Variants in ROBO1 observed in about 807,000 individuals in gnomAD.
ROBO1 encodes the protein roundabout guidance receptor 1.
A neutral mutation model predicts 195.9 loss-of-function variants in ROBO1; 149 were observed. The observed-to-expected ratio is 0.76, with a 90% confidence interval of 0.67 to 0.87. The LOEUF is 0.87. Ranked by LOEUF, ROBO1 falls within the 40% of genes least tolerant of loss-of-function variation. The pLI is 0.00. For missense variants in ROBO1, 1,933 were observed against 2,068.3 expected, an observed-to-expected ratio of 0.93 and a Z score of 1.27; for synonymous variants, 816 against 733.2, an observed-to-expected ratio of 1.11 and a Z score of -1.82.
chr3:79,763,036 A>AG (rs1704796404), intron 1 of ROBO1, among the ~76,000 whole-genome samples: 1 of 152,198 alleles, frequency 6.6e-6, no homozygotes, highest in South Asian at 2.1e-4. Flanking sequence ...CAAGTGTGGC[A>AG]GGGAGGATGA....
intron 2 of ROBO1, among the ~76,000 whole-genome samples, chr3:79,299,941 T>C (rs1282621383): frequency 6.6e-6 from 1 of 152,002 alleles, no homozygotes; most frequent in African/African-American, 2.4e-5. Context: ...GGAAATAGAA[T>C]CAAAGTAATA....
chr3:79,576,906 G>A (rs1325757681), intron 2 of ROBO1, among the ~76,000 whole-genome samples: 1 of 152,144 alleles, frequency 6.6e-6, no homozygotes, highest in Non-Finnish European at 1.5e-5. Context: ...TCCAGAGAAC[G>A]TTAACAATTT....
intron 2 of ROBO1, among the ~76,000 whole-genome samples, chr3:79,427,303 T>G (rs2038486065): frequency 6.6e-6 from 1 of 152,322 alleles, no homozygotes; most frequent in South Asian, 2.1e-4. Flanking sequence ...GTTTATGTTC[T>G]GCTCAAGATG....
At chr3:78,629,062 C>A (rs1026432761) in intron 25 of ROBO1, among the ~76,000 whole-genome samples, 1 of 151,822 alleles carries the variant, frequency 6.6e-6, no homozygotes, top group East Asian at 1.9e-4. Context: ...CGAGTATCTG[C>A]ATAATCTGGC....
chr3:79,313,385 T>C (rs553024645), intron 2 of ROBO1, among the ~76,000 whole-genome samples: 1 of 152,242 alleles, frequency 6.6e-6, no homozygotes, highest in East Asian at 1.9e-4. Context: ...TATCTCTACT[T>C]TTAGTGTGAA....
At chr3:78,898,051 A>G (rs1448816481) in intron 4 of ROBO1, among the ~76,000 whole-genome samples, 3 of 151,176 alleles carry the variant, frequency 2.0e-5, no homozygotes, top group Non-Finnish European at 3.0e-5. Context: ...TACAAAATGA[A>G]ATTGCTTTCA....
intron 2 of ROBO1, among the ~76,000 whole-genome samples, chr3:79,316,502 A>G (rs865830146): frequency 2.8e-4 from 42 of 152,254 alleles, no homozygotes; most frequent in African/African-American, 9.6e-4. Context: ...GAGTCATTCA[A>G]TTATGGTGGA....
intron 4 of ROBO1, among the ~76,000 whole-genome samples, chr3:78,904,103 T>C (rs1050549769): frequency 2.0e-5 from 3 of 151,814 alleles, no homozygotes; most frequent in African/African-American, 7.3e-5. Flanking sequence ...ACTATGACTA[T>C]TATTAGTGTA....
chr3:79,092,292 A>C (rs1213224148), intron 3 of ROBO1, among the ~76,000 whole-genome samples: 1 of 152,130 alleles, frequency 6.6e-6, no homozygotes. Context: ...AGACGGAGGA[A>C]CACTCAGAAG....
At chr3:78,873,652 C>T (rs552664076) in intron 4 of ROBO1, among the ~76,000 whole-genome samples, 11 of 152,234 alleles carry the variant, frequency 7.2e-5, no homozygotes, top group Admixed American at 4.6e-4. Context: ...AGGAATACTT[C>T]TTCAACAACT....
intron 1 of ROBO1, among the ~76,000 whole-genome samples, chr3:79,690,562 A>T (rs1386556650): frequency 1.3e-5 from 2 of 152,126 alleles, no homozygotes; most frequent in Admixed American, 1.3e-4. Context: ...TAGATGTCCA[A>T]CCTACAGAAT....
intron 5 of ROBO1, among the ~76,000 whole-genome samples, chr3:78,734,612 GA>G (rs766825582): frequency 0.019 from 2,724 of 140,428 alleles, 22 homozygotes; most frequent in Middle Eastern, 0.048. Flanking sequence ...CCATTTGGGG[GA>G]AAAAAAAAAA....
chr3:78,935,652 T>C (rs1044980792), intron 4 of ROBO1, among the ~76,000 whole-genome samples: 1 of 151,980 alleles, frequency 6.6e-6, no homozygotes, highest in Non-Finnish European at 1.5e-5. Flanking sequence ...TCTTAGAAAG[T>C]TGGGTTTGAA....
intron 1 of ROBO1, among the ~76,000 whole-genome samples, chr3:79,598,883 G>A (rs1944258029): frequency 6.6e-6 from 1 of 152,036 alleles, no homozygotes; most frequent in Admixed American, 6.6e-5. Flanking sequence ...TCCACTGCCT[G>A]CAACATCCTA....
chr3:78,746,997 C>A lies in ROBO1; in HGVS notation c.500-97G>T. 8 of 720,110 alleles carry A rather than the reference C, an allele frequency of 1.1e-5. 1 individual carries two copies. The highest frequency in any genetic ancestry group is 1.4e-5 in the Non-Finnish European group (7 of 502,484). The allele number at this position is 720,110 out of a possible 1,614,324, so 44.6% of individuals were successfully genotyped here. A position where few individuals can be genotyped will look rare whatever the true frequency, so the allele number is the denominator to read the frequency against. On this transcript the variant is annotated intron_variant, in intron 4 of 30. Coordinates refer to ENST00000464233, the MANE Select transcript of ROBO1 (RefSeq NM_002941.4). The stretch of plus-strand genomic sequence containing the variant: ...AGACATTTATTATAATTATAATAAA[C>A]TACCACTAATAGCTCTTGCAATACA...
chr3:78,844,894 T>G (rs1289881687), intron 4 of ROBO1, among the ~76,000 whole-genome samples: 1 of 151,992 alleles, frequency 6.6e-6, no homozygotes, highest in Non-Finnish European at 1.5e-5. Flanking sequence ...GGGTGTAGGA[T>G]TAAGTGCACC....
At chr3:78,826,388 C>G (rs1397964412) in intron 4 of ROBO1, among the ~76,000 whole-genome samples, 1 of 152,090 alleles carries the variant, frequency 6.6e-6, no homozygotes. Flanking sequence ...ATTTTGAGGC[C>G]ATAATATGCC....
At chr3:78,970,702 A>C (rs2076744974) in intron 3 of ROBO1, among the ~76,000 whole-genome samples, 1 of 152,184 alleles carries the variant, frequency 6.6e-6, no homozygotes, top group Non-Finnish European at 1.5e-5. Context: ...GTAATAAGGA[A>C]ATCATCTTCC....
At chr3:79,518,805 G>A (rs1473282413) in intron 2 of ROBO1, among the ~76,000 whole-genome samples, 1 of 151,472 alleles carries the variant, frequency 6.6e-6, no homozygotes, top group Non-Finnish European at 1.5e-5. Context: ...CCAAGTAGCT[G>A]GGATTACAGG....
Sources: allele counts gnomAD v4.1 joint callset (sites outside exome capture counted in the v4.1 genomes callset), GRCh38; gene constraint gnomAD v4.1.1; transcripts MANE v1.5; gene names NCBI Gene and HGNC (gene_info 2026-07-23, HGNC 2026-07-21).